The following KNSTRN variants were observed in gnomAD, a reference collection of about 807,000 sequenced individuals.
The protein encoded by KNSTRN is small kinetochore-associated protein.
In KNSTRN, 38 loss-of-function variants were observed where a neutral mutation model predicts 44.7. The ratio of observed to expected loss-of-function variants is 0.85; its 90% CI spans 0.66 to 1.11. KNSTRN has a LOEUF of 1.11. KNSTRN is among the 50% of genes most tolerant of loss of function. The probability of loss-of-function intolerance (pLI) is 0.00; values close to 1 mark genes in which losing one functional copy is unlikely to be tolerated. For synonymous variants in KNSTRN, 158 were observed against 148.1 expected (o/e 1.07, Z -0.48); for missense variants, 406 against 375.8 (o/e 1.08, Z -0.66).
Position 40,383,307 on chromosome 15 carries a change from G to A in KNSTRN, c.289G>A (p.Gly97Ser), listed in dbSNP as rs1390264577. 3.1e-6 allele frequency: 5 copies of A among 1,611,958 alleles called. No individual in the cohort carries two copies. Among genetic ancestry groups the A allele is most frequent in the South Asian group, 1.1e-5 (1 of 91,042 alleles). The change falls in exon 2 of 9, where the codon GGC (glycine) becomes AGC (serine). Residue 97 changes from glycine to serine, a missense_variant. By Grantham distance (56) the Gly-to-Ser change is moderately conservative. Coordinates refer to ENST00000249776, the MANE Select transcript of KNSTRN (RefSeq NM_033286.4). ...CCTGCAGCCCCCCTCTGCGCTGAGCGGCGGCCAGCCGGCAGGTGAGGGTCC... is the reference window on the plus strand; with the variant it reads ...CCTGCAGCCCCCCTCTGCGCTGAGCAGCGGCCAGCCGGCAGGTGAGGGTCC... ...YSLQPPSALS[G>S]GQPADTQTRA...
chr15:40,388,600 C>T (rs913969310), intron 4 of KNSTRN, among the ~76,000 whole-genome samples: 2 of 151,606 alleles, frequency 1.3e-5, no homozygotes, highest in African/African-American at 4.8e-5. Context: ...GAGGCTGGGG[C>T]AGGAGAATGG....
Position 40,389,539 on chromosome 15 carries a change from A to C in KNSTRN, c.519A>C (p.Glu173Asp). 1 of 1,612,606 alleles carries C rather than the reference A, an allele frequency of 6.2e-7. No homozygotes were observed. The highest frequency in any genetic ancestry group is 8.5e-7 in the Non-Finnish European group (1 of 1,178,602). The change falls in exon 5 of 9, where the codon GAA becomes GAC. Residue 173 changes from glutamate to aspartate, a missense_variant. Physicochemically the swap from Glu to Asp is conservative, Grantham distance 45. Coordinates refer to ENST00000249776, the MANE Select transcript of KNSTRN (RefSeq NM_033286.4). Reference sequence around the variant, plus strand: ...CACTGAGTAAGCAAAAATCAGAGGAAGAGCTCAAGGACAAGAACCAGCTGT... The same window carrying C: ...CACTGAGTAAGCAAAAATCAGAGGACGAGCTCAAGGACAAGAACCAGCTGT... ...YKPLSKQKSE[E>D]ELKDKNQLLE...
chr15:40,383,407 A>G, intron 2 of KNSTRN, 85 bp downstream of exon 2: 1 of 1,053,692 alleles, frequency 9.5e-7, no homozygotes, highest in Non-Finnish European at 1.4e-6. Flanking sequence ...TGGCGCGGGC[A>G]CGGGGAAGGG....
intron 2 of KNSTRN, chr15:40,384,287 TG>T (rs957483010): frequency 6.6e-6 from 2 of 304,878 alleles, no homozygotes; most frequent in African/African-American, 2.3e-5. Flanking sequence ...GGCAGGAGAA[TG>T]GCGTGAACCC....
At chr15:40,383,152 C>A in intron 1 of KNSTRN, 76 bp from the exon 2 acceptor site, 1 of 1,577,814 alleles carries the variant, frequency 6.3e-7, no homozygotes, top group South Asian at 1.1e-5. Context: ...CCTGTCGGGT[C>A]GCGCTATCCC....
rs1408342693 is a variant in KNSTRN at position 40,389,865 on chromosome 15, A to G, written c.621A>G (p.Val207=). The G allele has an allele frequency of 1.2e-6, 2 of 1,614,090 alleles. No individual in the cohort carries two copies. The highest frequency in any genetic ancestry group is 4.5e-5 in the East Asian group (2 of 44,894). ...QGELKDLTQK[V]ELLEKFRDNC... ...AGCTGAAGGACCTGACCCAGAAGGT[A>G]GAGCTGCTGGAGAAGTTTCGGGACA... is the stretch of plus-strand genomic sequence containing the variant. The change falls in exon 6 of 9, where the codon GTA becomes GTG. Residue 207 remains valine (V), a synonymous_variant. Transcript: ENST00000249776.
At chr15:40,385,360 T>G (rs1181241399) in intron 2 of KNSTRN, among the ~76,000 whole-genome samples, 1 of 152,228 alleles carries the variant, frequency 6.6e-6, no homozygotes, top group Admixed American at 6.5e-5. Context: ...GGGCCATTTC[T>G]CTGGTTATCT....
intron 2 of KNSTRN, among the ~76,000 whole-genome samples, chr15:40,383,866 G>C (rs1428768768): frequency 6.6e-6 from 1 of 152,204 alleles, no homozygotes; most frequent in African/African-American, 2.4e-5. Context: ...ATTAAAAATA[G>C]TTTTTAATTG....
At position 40,390,024 on chromosome 15, in the gene KNSTRN, T is replaced by TA; in HGVS notation, c.685+96dup. On this transcript the variant is annotated intron_variant, in intron 6 of 8. Transcript: ENST00000249776. Reference sequence around the variant, plus strand: ...GGCAGCATGGCATCAGCTGGCCCAGTATGTGCAGGGGTTACTTTCATAAAG... The same window carrying TA: ...GGCAGCATGGCATCAGCTGGCCCAGTAATGTGCAGGGGTTACTTTCATAAAG... The TA allele has an allele frequency of 3.2e-6, 3 of 928,136 alleles. 1 individual carries two copies. The highest frequency in any genetic ancestry group is 5.4e-6 in the Non-Finnish European group (3 of 558,268). 57.5% of individuals were successfully genotyped at this position (928,136 alleles called of 1,614,324 possible).
rs1348560407 is a variant in KNSTRN, at chr15:40,392,648, TC to T, written c.822+630del. Among the ~76,000 whole-genome samples the T allele has an allele frequency of 2.0e-5, 3 of 152,154 alleles. No individual in the cohort carries two copies. The East Asian group carries it at 5.8e-4, about 29-fold the overall frequency. On this transcript the variant is annotated intron_variant, in intron 8 of 8. Transcript: ENST00000249776. ...GCAAGGAGATAAAGTCTCACTGTTG[TC>T]CCCCAGGCTGGAGTGCAATGGCGTG...
chr15:40,386,525 A>G, intron 3 of KNSTRN, 31 bp downstream of exon 3: 3 of 1,605,948 alleles, frequency 1.9e-6, no homozygotes, highest in Non-Finnish European at 1.7e-6. Flanking sequence ...TCCAGTTAGA[A>G]CATCTTCCTA....
chr15:40,382,921 C>T lies in KNSTRN; in HGVS notation c.86C>T (p.Pro29Leu). Residue 29 changes from proline to leucine, a missense_variant, in exon 1 of 9, where the codon CCT becomes CTT. Transcript: ENST00000249776. ...STECDSHPLP[P>L]SYRKFLFETQ... ...GAGTGCGATTCCCACCCACTTCCGC[C>T]TAGCTACCGGAAGTTTCTATTTGAA... 1 of 1,612,328 alleles carries T rather than the reference C, an allele frequency of 6.2e-7. No individual in the cohort carries two copies.
chr15:40,382,814 C>A lies in KNSTRN; in HGVS notation c.-22C>A. The A allele has an allele frequency of 6.2e-7, 1 of 1,604,710 alleles. No homozygotes were observed. The highest frequency in any genetic ancestry group is 1.1e-5 in the South Asian group (1 of 90,212). On this transcript the variant is annotated 5_prime_UTR_variant, in exon 1 of 9. The change creates a new upstream start codon in the 5' untranslated region. Transcript: ENST00000249776. ...CTTTCGCTAGGTCTGGCTCTGGCCT[C>A]TGAGCGAACCTTCCGTACAGTATGG...
chr15:40,383,430 C>A, intron 2 of KNSTRN, 108 bp downstream of exon 2: 1 of 787,928 alleles, frequency 1.3e-6, no homozygotes, highest in Non-Finnish European at 2.1e-6. Flanking sequence ...TCCCGTCGGC[C>A]CTGAAAACCT....
intron 4 of KNSTRN, among the ~76,000 whole-genome samples, chr15:40,388,739 G>A (rs1176288871): frequency 6.6e-6 from 1 of 151,940 alleles, no homozygotes; most frequent in Non-Finnish European, 1.5e-5. Flanking sequence ...GCCCTTGGCA[G>A]GCCAGGTGTT....
At chr15:40,383,464 TGTAG>T (rs1186339008) in intron 2 of KNSTRN, 142 bp downstream of exon 2, 1 of 622,692 alleles carries the variant, frequency 1.6e-6, no homozygotes, top group Non-Finnish European at 2.8e-6. Context: ...AACCAGGCTA[TGTAG>T]GTTTATGATG....
rs1236287610 is a variant in KNSTRN at position 40,387,725 on chromosome 15, C to T, written c.485+519C>T. Among the ~76,000 whole-genome samples, 9 of 152,262 alleles carry T rather than the reference C, an allele frequency of 5.9e-5. No homozygotes were observed. The South Asian group carries it at 1.9e-3, about 32-fold the overall frequency. ...GGGCATATCTTAAAAGTTTTGAAGA[C>T]AGCAGGGCACACCAGCTCACACCTG... On this transcript the variant is annotated intron_variant, in intron 4 of 8. Transcript: ENST00000249776.
chr15:40,390,304 CA>C (rs1027634237), intron 6 of KNSTRN, among the ~76,000 whole-genome samples: 1 of 152,212 alleles, frequency 6.6e-6, no homozygotes, highest in Non-Finnish European at 1.5e-5. Flanking sequence ...TTTGTTTGAA[CA>C]TGCTCTTCCT....
At position 40,393,568 on chromosome 15, in the gene KNSTRN, A is replaced by G. The variant is rs1217575509; in HGVS notation, c.922A>G (p.Lys308Glu). ...AGTAAATGATTTAACAACAGCCCTTAAGGAAATGGAGCAGCTATTAGAAAT... is the reference window on the plus strand; with the variant it reads ...AGTAAATGATTTAACAACAGCCCTTGAGGAAATGGAGCAGCTATTAGAAAT... The part of the protein sequence containing the change: ...NQVNDLTTAL[K>E]EMEQLLEM Residue 308 changes from lysine to glutamate, a missense_variant, in exon 9 of 9, where the codon AAG (lysine) becomes GAG (glutamate). Lys to Glu is a moderately conservative substitution (Grantham distance 56). Coordinates refer to ENST00000249776, the MANE Select transcript of KNSTRN (RefSeq NM_033286.4). The G allele has an allele frequency of 5.6e-6, 9 of 1,613,936 alleles. No homozygotes were observed. Among genetic ancestry groups the G allele is most frequent in the Non-Finnish European group, 7.6e-6 (9 of 1,179,970 alleles).
Sources: gnomAD v4.1 joint callset for allele counts (sites outside exome capture counted in the v4.1 genomes callset) on GRCh38, gnomAD v4.1.1 for gene constraint, MANE v1.5 for transcripts, NCBI Gene and HGNC (gene_info 2026-07-23, HGNC 2026-07-21) for gene names.